The following SDK1 variants were observed in gnomAD, a reference collection of about 807,000 sequenced individuals.
SDK1 encodes sidekick cell adhesion molecule 1.
SDK1 carries 157 observed loss-of-function variants against 245.5 expected under a neutral mutation model. The ratio of observed to expected loss-of-function variants is 0.64; its 90% CI spans 0.56 to 0.73. The LOEUF is 0.73. Among genes scored for constraint, SDK1 ranks in the 30% least tolerant of loss-of-function variants. The probability of loss-of-function intolerance (pLI) is 0.00; values close to 1 mark genes in which losing one functional copy is unlikely to be tolerated. For synonymous variants in SDK1, 1,647 were observed against 1,278.5 expected, an observed-to-expected ratio of 1.29 and a Z score of -6.15; for missense variants, 3,583 against 3,002.3, an observed-to-expected ratio of 1.19 and a Z score of -4.52.
At chr7:3,314,909 T>TA (rs397779473) in intron 1 of SDK1, among the ~76,000 whole-genome samples, 1 of 151,370 alleles carries the variant, frequency 6.6e-6, no homozygotes, top group African/African-American at 2.4e-5. Context: ...TTTTTTTTTT[T>TA]AAAACTAAAC....
At chr7:4,072,438 A>T (rs551747830) in intron 20 of SDK1, among the ~76,000 whole-genome samples, 1 of 152,276 alleles carries the variant, frequency 6.6e-6, no homozygotes, top group Non-Finnish European at 1.5e-5. Context: ...AGAGGAGATG[A>T]GATCGGATGT....
At chr7:4,197,278 T>A (rs987329854) in intron 35 of SDK1, among the ~76,000 whole-genome samples, 1 of 150,162 alleles carries the variant, frequency 6.7e-6, no homozygotes, top group Non-Finnish European at 1.5e-5. Context: ...GCCTGAGCAA[T>A]GTAGCAAGAC....
intron 1 of SDK1, among the ~76,000 whole-genome samples, chr7:3,468,913 A>C (rs1781095188): frequency 6.6e-6 from 1 of 152,126 alleles, no homozygotes; most frequent in African/African-American, 2.4e-5. Flanking sequence ...CAGAGGGTGA[A>C]GGGGGTAGGT....
chr7:3,805,185 TA>T (rs1425317437), intron 4 of SDK1, among the ~76,000 whole-genome samples: 5 of 152,242 alleles, frequency 3.3e-5, no homozygotes, highest in East Asian at 1.9e-4. Context: ...TTTATGCTAC[TA>T]AAAAATACAG....
chr7:4,227,318 C>G, intron 40 of SDK1: 1 of 465,618 alleles, frequency 2.1e-6, no homozygotes, highest in Non-Finnish European at 4.5e-6. Context: ...GCTTGTCAGC[C>G]CGGCTTCCCA....
At chr7:3,452,168 C>G (rs908137143) in intron 1 of SDK1, among the ~76,000 whole-genome samples, 27 of 152,100 alleles carry the variant, frequency 1.8e-4, no homozygotes, top group African/African-American at 6.3e-4. Context: ...GTGTTTGGGG[C>G]TTTTGTCGTG....
intron 19 of SDK1, among the ~76,000 whole-genome samples, chr7:4,061,278 G>A (rs1779523257): frequency 6.6e-6 from 1 of 152,076 alleles, no homozygotes; most frequent in Admixed American, 6.5e-5. Context: ...CCATGAGCAT[G>A]GAATGTTCTT....
At chr7:3,416,811 T>C (rs1470142878) in intron 1 of SDK1, among the ~76,000 whole-genome samples, 1 of 152,170 alleles carries the variant, frequency 6.6e-6, no homozygotes, top group Non-Finnish European at 1.5e-5. Context: ...CCCATCTGTC[T>C]GTCAGATGTT....
intron 2 of SDK1, among the ~76,000 whole-genome samples, chr7:3,637,105 G>A (rs56357148): frequency 1.4e-5 from 2 of 147,148 alleles, no homozygotes; most frequent in East Asian, 2.3e-4. Context: ...GTGTGTGTGT[G>A]TGTGTGTTTT....
At chr7:3,993,534 A>G (rs1044270650) in intron 14 of SDK1, among the ~76,000 whole-genome samples, 2 of 152,222 alleles carry the variant, frequency 1.3e-5, no homozygotes, top group African/African-American at 4.8e-5. Flanking sequence ...AAATTTAATT[A>G]AAATGTAAAA....
chr7:3,957,845 C>T (rs975556283), intron 7 of SDK1, among the ~76,000 whole-genome samples: 1 of 152,234 alleles, frequency 6.6e-6, no homozygotes, highest in Non-Finnish European at 1.5e-5. Flanking sequence ...GTAGAGGAAT[C>T]TGCTTCCTTC....
intron 5 of SDK1, among the ~76,000 whole-genome samples, chr7:3,931,883 G>C (rs1779989829): frequency 6.6e-6 from 1 of 152,182 alleles, no homozygotes; most frequent in Non-Finnish European, 1.5e-5. Context: ...TATTGTAATT[G>C]ACTTGCCATA....
chr7:3,375,849 C>G (rs1226585359), intron 1 of SDK1, among the ~76,000 whole-genome samples: 3 of 152,130 alleles, frequency 2.0e-5, no homozygotes, highest in African/African-American at 7.2e-5. Context: ...CTAAGCTGCT[C>G]CTGAATTTCT....
At chr7:3,387,680 G>A (rs1781643694) in intron 1 of SDK1, among the ~76,000 whole-genome samples, 1 of 152,196 alleles carries the variant, frequency 6.6e-6, no homozygotes, top group Admixed American at 6.5e-5. Flanking sequence ...GTGAATGTAT[G>A]TAGTATCACT....
chr7:3,568,052 C>G lies in SDK1; in HGVS notation c.299-51028C>G, dbSNP rs988543122. On this transcript the variant is annotated intron_variant, in intron 1 of 44. Coordinates refer to ENST00000404826, the MANE Select transcript of SDK1 (RefSeq NM_152744.4). ...TCCAGGCTGGTCTCAAACTCCTGAG[C>G]TCAAGCAATCCTCCCACCTTAGCCT... is the stretch of plus-strand genomic sequence containing the variant. 3.9e-5 allele frequency among the ~76,000 whole-genome samples: 6 copies of G among 152,146 alleles called. No homozygotes were observed. In the East Asian group the frequency reaches 7.7e-4, roughly 20 times the overall value.
At chr7:3,482,321 G>A (rs1781545316) in intron 1 of SDK1, among the ~76,000 whole-genome samples, 1 of 152,116 alleles carries the variant, frequency 6.6e-6, no homozygotes, top group Admixed American at 6.5e-5. Flanking sequence ...CTCTAGGGAG[G>A]GCAGCGAGCT....
chr7:3,764,697 C>T (rs888634606), intron 4 of SDK1, among the ~76,000 whole-genome samples: 2 of 150,718 alleles, frequency 1.3e-5, no homozygotes, highest in Non-Finnish European at 3.0e-5. Context: ...ATAAAAAAAT[C>T]TAAAAAAAAA....
intron 5 of SDK1, among the ~76,000 whole-genome samples, chr7:3,859,109 G>A (rs186140684): frequency 3.9e-5 from 6 of 151,970 alleles, no homozygotes; most frequent in Non-Finnish European, 5.9e-5. Flanking sequence ...TGATCCGCCC[G>A]CCTCGGCCTC....
intron 2 of SDK1, among the ~76,000 whole-genome samples, chr7:3,636,327 C>T (rs1782456274): frequency 6.6e-6 from 1 of 152,222 alleles, no homozygotes; most frequent in Non-Finnish European, 1.5e-5. Flanking sequence ...TCACTCATCT[C>T]ATATGGCTGA....
Sources: allele counts gnomAD v4.1 joint callset (sites outside exome capture counted in the v4.1 genomes callset), GRCh38; gene constraint gnomAD v4.1.1; transcripts MANE v1.5; gene names NCBI Gene and HGNC (gene_info 2026-07-23, HGNC 2026-07-21).